TCF12: variants seen among roughly 807,000 people sequenced by gnomAD.
The protein encoded by TCF12 is transcription factor 12.
Under a neutral mutation model 86.0 loss-of-function variants are expected in TCF12, and 45 were observed. The ratio of observed to expected loss-of-function variants is 0.52; its 90% confidence interval spans 0.41 to 0.67. The LOEUF is 0.67. Among genes scored for constraint, TCF12 ranks in the 30% least tolerant of loss-of-function variants. TCF12 has a pLI of 0.00. For synonymous variants in TCF12, 330 were observed against 299.6 expected (o/e 1.10, Z -1.05); for missense variants, 881 against 859.9 (o/e 1.02, Z -0.31).
chr15:56,925,903 A>T (rs993406955), intron 3 of TCF12, among the ~76,000 whole-genome samples: 1 of 152,230 alleles, frequency 6.6e-6, no homozygotes, highest in Non-Finnish European at 1.5e-5. Context: ...TGCTTTGTTA[A>T]ATAGTTGTGC....
intron 3 of TCF12, among the ~76,000 whole-genome samples, chr15:56,951,281 G>C (rs1405041968): frequency 6.6e-6 from 1 of 152,010 alleles, no homozygotes; most frequent in East Asian, 1.9e-4. Context: ...GTTTTCATTT[G>C]TGTTTTTCTA....
At chr15:57,219,116 A>C (rs1404409630) in intron 8 of TCF12, 2 of 1,061,656 alleles carry the variant, frequency 1.9e-6, no homozygotes, top group African/African-American at 3.3e-5. Flanking sequence ...AATTTAATTA[A>C]AACTAAAAAC....
chr15:56,977,724 C>A (rs1395826867), intron 3 of TCF12, among the ~76,000 whole-genome samples: 2 of 152,024 alleles, frequency 1.3e-5, no homozygotes, highest in Non-Finnish European at 2.9e-5. Flanking sequence ...CTGTTTTTGG[C>A]AATTGAGTAT....
intron 2 of TCF12, among the ~76,000 whole-genome samples, chr15:56,920,489 T>C (rs202045001): frequency 7.3e-6 from 1 of 137,438 alleles, no homozygotes; most frequent in African/African-American, 2.6e-5. Flanking sequence ...CACACACACG[T>C]GTGTGTGTGT....
intron 13 of TCF12, chr15:57,247,788 C>G: frequency 1.3e-6 from 1 of 748,958 alleles, no homozygotes; most frequent in Non-Finnish European, 2.4e-6. Flanking sequence ...GCCTCCACCT[C>G]TTCAACACAA....
intron 3 of TCF12, among the ~76,000 whole-genome samples, chr15:57,004,938 T>C (rs187233352): frequency 1.3e-5 from 2 of 152,350 alleles, no homozygotes; most frequent in Admixed American, 6.5e-5. Flanking sequence ...CTTTAGAGTA[T>C]TAGCTATACT....
chr15:57,077,795 A>G (rs1328021907), intron 4 of TCF12, among the ~76,000 whole-genome samples: 1 of 151,436 alleles, frequency 6.6e-6, no homozygotes, highest in African/African-American at 2.4e-5. Context: ...TTGTTATGCT[A>G]ATCCTGGCTT....
intron 3 of TCF12, among the ~76,000 whole-genome samples, chr15:57,039,558 CCCATGACCAAAAAAAAT>C (rs2066756954): frequency 6.6e-6 from 1 of 151,416 alleles, no homozygotes; most frequent in African/African-American, 2.4e-5. Flanking sequence ...CCCTTCCTTA[CCCATGACCAAAAAAAAT>C]CCTTAATTTT....
chr15:57,115,515 T>C (rs1389525039), intron 5 of TCF12, among the ~76,000 whole-genome samples: 2 of 152,196 alleles, frequency 1.3e-5, no homozygotes, highest in Non-Finnish European at 2.9e-5. Context: ...ATGTGAATTA[T>C]ATTGGAAGAA....
At chr15:57,224,735 A>T (rs1244330284) in intron 8 of TCF12, among the ~76,000 whole-genome samples, 2 of 152,178 alleles carry the variant, frequency 1.3e-5, no homozygotes, top group African/African-American at 4.8e-5. Flanking sequence ...ACACATATTT[A>T]TCCCTTTTAC....
intron 3 of TCF12, among the ~76,000 whole-genome samples, chr15:57,056,806 C>CTTT (rs113348374): frequency 1.1e-4 from 16 of 142,322 alleles, no homozygotes; most frequent in South Asian, 6.7e-4. Context: ...GAGATTTTCA[C>CTTT]TTTTTTTTTT....
chr15:57,135,955 G>C (rs2052488989), intron 5 of TCF12, among the ~76,000 whole-genome samples: 1 of 150,298 alleles, frequency 6.7e-6, no homozygotes, highest in South Asian at 2.1e-4. Context: ...AAATGGGCTT[G>C]TAATGCTAAA....
chr15:57,115,666 T>C (rs1297030485), intron 5 of TCF12, among the ~76,000 whole-genome samples: 1 of 152,170 alleles, frequency 6.6e-6, no homozygotes, highest in African/African-American at 2.4e-5. Context: ...ATAAGTATAA[T>C]CTGTCAGAAT....
At chr15:57,005,031 C>T (rs1345855466) in intron 3 of TCF12, among the ~76,000 whole-genome samples, 2 of 152,102 alleles carry the variant, frequency 1.3e-5, no homozygotes, top group African/African-American at 4.8e-5. Flanking sequence ...GGGAGAGATA[C>T]CAGCCAAATA....
At chr15:56,983,218 T>C (rs966525421) in intron 3 of TCF12, among the ~76,000 whole-genome samples, 5 of 152,230 alleles carry the variant, frequency 3.3e-5, no homozygotes, top group Non-Finnish European at 7.3e-5. Flanking sequence ...CTGCTGCTGC[T>C]GCCTGTAGTC....
intron 3 of TCF12, among the ~76,000 whole-genome samples, chr15:56,974,527 A>G (rs2062504610): frequency 6.6e-6 from 1 of 152,104 alleles, no homozygotes; most frequent in South Asian, 2.1e-4. Context: ...TTTTTGAGAG[A>G]AGGAAGAATA....
At chr15:57,159,784 C>G (rs2054366570) in intron 5 of TCF12, among the ~76,000 whole-genome samples, 1 of 152,142 alleles carries the variant, frequency 6.6e-6, no homozygotes, top group Non-Finnish European at 1.5e-5. Flanking sequence ...GAATGCAAAT[C>G]AGAATGTCTT....
chr15:57,264,771 C>G (rs1184522462), intron 18 of TCF12, among the ~76,000 whole-genome samples: 1 of 152,084 alleles, frequency 6.6e-6, no homozygotes, highest in Non-Finnish European at 1.5e-5. Flanking sequence ...GTCTTGTCGC[C>G]CAGGCTGGGG....
intron 6 of TCF12, among the ~76,000 whole-genome samples, 174 bp from the exon 7 acceptor site, chr15:57,191,984 A>T (rs1322461363): frequency 6.6e-6 from 1 of 152,134 alleles, no homozygotes; most frequent in African/African-American, 2.4e-5. Flanking sequence ...AGAAAAAAAG[A>T]GAAAGTAGGT....
Sources: allele counts gnomAD v4.1 joint callset (sites outside exome capture counted in the v4.1 genomes callset), GRCh38; gene constraint gnomAD v4.1.1; transcripts MANE v1.5; gene names NCBI Gene and HGNC (gene_info 2026-07-23, HGNC 2026-07-21).